Variants in ENTHD1 observed in about 807,000 individuals in gnomAD.
ENTHD1 encodes ENTH domain-containing protein 1.
In ENTHD1, 23 loss-of-function variants were observed where a neutral mutation model predicts 39.1. The ratio of observed to expected loss-of-function variants is 0.59; its 90% CI spans 0.42 to 0.83. The LOEUF (loss-of-function observed/expected upper bound fraction) is 0.83. Among genes scored for constraint, ENTHD1 ranks in the 40% least tolerant of loss-of-function variants. The pLI, the probability that ENTHD1 is intolerant of heterozygous loss-of-function variation, is 0.00. For missense variants in ENTHD1, 624 were observed against 705.4 expected, an observed-to-expected ratio of 0.88 and a Z score of 1.31; for synonymous variants, 230 against 258.2, an observed-to-expected ratio of 0.89 and a Z score of 1.05.
chr22:39,835,600 A>T (rs1213675974), intron 4 of ENTHD1, among the ~76,000 whole-genome samples: 1 of 152,178 alleles, frequency 6.6e-6, no homozygotes, highest in Non-Finnish European at 1.5e-5. Flanking sequence ...TTAAAAGACA[A>T]GCACAATTTC....
intron 6 of ENTHD1, among the ~76,000 whole-genome samples, chr22:39,748,752 G>A (rs2065126769): frequency 6.6e-6 from 1 of 152,044 alleles, no homozygotes; most frequent in African/African-American, 2.4e-5. Flanking sequence ...TTAAAGATAC[G>A]CAGTTAGGTT....
chr22:39,801,726 C>T (rs1481924306), intron 5 of ENTHD1, among the ~76,000 whole-genome samples: 1 of 151,910 alleles, frequency 6.6e-6, no homozygotes, highest in Non-Finnish European at 1.5e-5. Flanking sequence ...GAAACATGAG[C>T]AAAGACTACT....
chr22:39,800,284 G>A (rs977045560), intron 5 of ENTHD1, among the ~76,000 whole-genome samples: 1 of 152,140 alleles, frequency 6.6e-6, no homozygotes, highest in Non-Finnish European at 1.5e-5. Flanking sequence ...TTAAATTCCA[G>A]TGTTTTCATT....
chr22:39,879,971 T>C (rs1476357491), intron 2 of ENTHD1, among the ~76,000 whole-genome samples: 2 of 152,244 alleles, frequency 1.3e-5, no homozygotes, highest in East Asian at 3.8e-4. Flanking sequence ...CTCATGCCTA[T>C]AATTCCAACA....
intron 4 of ENTHD1, among the ~76,000 whole-genome samples, chr22:39,825,147 A>G (rs2065816914): frequency 6.6e-6 from 1 of 152,220 alleles, no homozygotes; most frequent in Non-Finnish European, 1.5e-5. Context: ...TGTTAAATTT[A>G]TACCTAAGTA....
chr22:39,797,168 AG>A (rs954530247), intron 5 of ENTHD1, among the ~76,000 whole-genome samples: 20 of 152,288 alleles, frequency 1.3e-4, no homozygotes, highest in Non-Finnish European at 7.4e-5. Flanking sequence ...ATCTGATATT[AG>A]TATAGGTATT....
chr22:39,857,365 C>A (rs1264552746), intron 3 of ENTHD1, among the ~76,000 whole-genome samples: 1 of 148,758 alleles, frequency 6.7e-6, no homozygotes. Flanking sequence ...ATCGCCTGAA[C>A]CCTGGAGGCA....
Position 39,744,116 on chromosome 22 carries a change from C to T in ENTHD1, c.1387G>A (p.Asp463Asn). 6.2e-7 allele frequency: 1 copy of T among 1,614,124 alleles called. No individual in the cohort carries two copies. The highest frequency in any genetic ancestry group is 8.5e-7 in the Non-Finnish European group (1 of 1,180,006). ...QLSSTSFKDEDKTAKLHHSFA... is the reference protein window; with the variant it reads ...QLSSTSFKDENKTAKLHHSFA... Reference sequence around the variant, plus strand: ...GAGTGATGCAGCTTGGCTGTCTTATCTTCATCTTTAAAGGAGGTAGAAGAC... The same window carrying T: ...GAGTGATGCAGCTTGGCTGTCTTATTTTCATCTTTAAAGGAGGTAGAAGAC... The change falls in exon 7 of 7, where the codon GAT (aspartate) becomes AAT (asparagine). Residue 463 changes from aspartate (D) to asparagine (N), a missense_variant. By Grantham distance (23) the Asp-to-Asn change is conservative. Coordinates refer to ENST00000325157, the MANE Select transcript of ENTHD1 (RefSeq NM_152512.4).
intron 6 of ENTHD1, among the ~76,000 whole-genome samples, chr22:39,749,718 T>C (rs2065134000): frequency 6.6e-6 from 1 of 152,208 alleles, no homozygotes; most frequent in Non-Finnish European, 1.5e-5. Context: ...AATATTCTGA[T>C]TTTGTCCCAT....
intron 5 of ENTHD1, among the ~76,000 whole-genome samples, chr22:39,813,337 A>G (rs2065708349): frequency 1.3e-5 from 2 of 152,258 alleles, no homozygotes; most frequent in Admixed American, 6.5e-5. Flanking sequence ...AGCCCTAGCT[A>G]ATTTACTCAT....
rs2065082205 is a variant in ENTHD1 at position 39,743,958 on chromosome 22, C to T, written c.1545G>A (p.Glu515=). Reference sequence around the variant, plus strand: ...ACTGGTCTACATTTTGGGTGGAAAACTCCCCCCAGTGACTACTAGAAATGT... The same window carrying T: ...ACTGGTCTACATTTTGGGTGGAAAATTCCCCCCAGTGACTACTAGAAATGT... The part of the protein sequence containing the change: ...ISHISSSHWG[E]FSTQNVDQFI... The change falls in exon 7 of 7, where the codon GAG becomes GAA. Residue 515 remains glutamate, a synonymous_variant. Coordinates refer to ENST00000325157, the MANE Select transcript of ENTHD1 (RefSeq NM_152512.4). 1.2e-6 allele frequency: 2 copies of T among 1,614,014 alleles called. No homozygotes were observed. Among genetic ancestry groups the T allele is most frequent in the Non-Finnish European group, 1.7e-6 (2 of 1,180,016 alleles).
intron 5 of ENTHD1, among the ~76,000 whole-genome samples, chr22:39,773,180 AC>A (rs918057939): frequency 6.6e-6 from 1 of 151,864 alleles, no homozygotes; most frequent in African/African-American, 2.4e-5. Flanking sequence ...GCCAAATCCA[AC>A]TAAGTCATAT....
At chr22:39,753,045 A>G (rs937423232) in intron 6 of ENTHD1, among the ~76,000 whole-genome samples, 1 of 152,236 alleles carries the variant, frequency 6.6e-6, no homozygotes, top group Admixed American at 6.5e-5. Flanking sequence ...ACAGGTATCT[A>G]GAACAAGTAC....
At chr22:39,837,183 C>A (rs2065913057) in intron 3 of ENTHD1, among the ~76,000 whole-genome samples, 1 of 152,018 alleles carries the variant, frequency 6.6e-6, no homozygotes, top group Admixed American at 6.6e-5. Context: ...TATCATTGGG[C>A]ACAATAAAAA....
At chr22:39,789,948 G>A (rs1257415751) in intron 5 of ENTHD1, among the ~76,000 whole-genome samples, 1 of 151,998 alleles carries the variant, frequency 6.6e-6, no homozygotes, top group African/African-American at 2.4e-5. Context: ...AGGTGAGAGA[G>A]AAAATCATGT....
chr22:39,850,733 T>C (rs1255562217), intron 3 of ENTHD1, among the ~76,000 whole-genome samples: 1 of 152,202 alleles, frequency 6.6e-6, no homozygotes, highest in Non-Finnish European at 1.5e-5. Context: ...CGTTTACCTT[T>C]AAAAGTTTAC....
chr22:39,746,060 C>T (rs2065102250), intron 6 of ENTHD1, among the ~76,000 whole-genome samples: 1 of 152,138 alleles, frequency 6.6e-6, no homozygotes. Flanking sequence ...TTCCTTCAGC[C>T]CCAGAAAATT....
rs192497787 is a variant in ENTHD1 at position 39,866,607 on chromosome 22, A to G, written c.350-4600T>C. Among the ~76,000 whole-genome samples the G allele has an allele frequency of 5.3e-5, 8 of 152,204 alleles. No homozygotes were observed. In the East Asian group the frequency reaches 1.4e-3, roughly 26 times the overall value. ...GTGCGCCAGACAGGGAACAGCTCCA[A>G]TTTCTTCAGGAAAGCCTTCCACGGA... On this transcript the variant is annotated intron_variant, in intron 2 of 6. Transcript: ENST00000325157.
Position 39,887,874 on chromosome 22 carries a change from T to A in ENTHD1, c.-126A>T, listed in dbSNP as rs1305121642. The stretch of plus-strand genomic sequence containing the variant: ...TCTGCTGCTCCCAAATACAAATAAT[T>A]AATCTCTATGTTGATAAAGTATCAA... On this transcript the variant is annotated 5_prime_UTR_variant, in exon 2 of 7. Coordinates refer to ENST00000325157, the MANE Select transcript of ENTHD1 (RefSeq NM_152512.4). 2 of 635,312 alleles carry A rather than the reference T, an allele frequency of 3.1e-6. No individual in the cohort carries two copies. The highest frequency in any genetic ancestry group is 2.6e-6 in the Non-Finnish European group (1 of 387,636). 39.4% of individuals were successfully genotyped at this position (635,312 alleles called of 1,614,324 possible). A position where few individuals can be genotyped will look rare whatever the true frequency, so the allele number is the denominator to read the frequency against.
Sources: gnomAD v4.1 joint callset for allele counts (sites outside exome capture counted in the v4.1 genomes callset) on GRCh38, gnomAD v4.1.1 for gene constraint, MANE v1.5 for transcripts, NCBI Gene and HGNC (gene_info 2026-07-23, HGNC 2026-07-21) for gene names.